Variants in ADAMTS9 observed in about 807,000 individuals in gnomAD.
ADAMTS9 encodes the protein ADAM metallopeptidase with thrombospondin type 1 motif 9.
ADAMTS9 carries 107 observed loss-of-function variants against 257.1 expected under a neutral mutation model. The ratio of observed to expected loss-of-function variants is 0.42; its 90% CI spans 0.36 to 0.49. The LOEUF is 0.49. Ranked by LOEUF, ADAMTS9 falls within the 20% of genes least tolerant of loss-of-function variation. The pLI, the probability that ADAMTS9 is intolerant of heterozygous loss-of-function variation, is 0.03. For synonymous variants in ADAMTS9, 982 were observed against 880.9 expected, an observed-to-expected ratio of 1.11 and a Z score of -2.03; for missense variants, 2,353 against 2,469.1, an observed-to-expected ratio of 0.95 and a Z score of 1.00.
In ADAMTS9 at chr3:64,661,862, G is replaced by A. The variant is rs1165384646; in HGVS notation, c.680-3071C>T. Among the ~76,000 whole-genome samples, 5 of 152,018 alleles carry A rather than the reference G, an allele frequency of 3.3e-5. No homozygotes were observed. The East Asian group carries it at 9.7e-4, about 29-fold the overall frequency. ...ATTACAATTTGATTTATTATAGTAA[G>A]TAAAGTGTTAGACATTTTAGAAGAT... On this transcript the variant is annotated intron_variant, in intron 3 of 39. Coordinates refer to ENST00000498707, the MANE Select transcript of ADAMTS9 (RefSeq NM_182920.2).
chr3:64,630,728 T>G (rs1482581703), intron 16 of ADAMTS9, among the ~76,000 whole-genome samples: 1 of 152,130 alleles, frequency 6.6e-6, no homozygotes, highest in African/African-American at 2.4e-5. Context: ...TGGCACACGT[T>G]TACCTATGTA....
At chr3:64,671,710 A>G (rs1701492891) in intron 3 of ADAMTS9, among the ~76,000 whole-genome samples, 1 of 152,188 alleles carries the variant, frequency 6.6e-6, no homozygotes, top group Admixed American at 6.5e-5. Context: ...CCCACTACTC[A>G]GTCACATGTG....
intron 38 of ADAMTS9, among the ~76,000 whole-genome samples, chr3:64,525,013 C>A (rs17070914): frequency 0.01 from 1,558 of 152,270 alleles, 54 homozygotes; most frequent in East Asian, 0.067. Flanking sequence ...TTCTGAGAAA[C>A]CTTCCTGACC....
chr3:64,603,020 T>C (rs142804645), intron 25 of ADAMTS9, among the ~76,000 whole-genome samples: 50 of 152,286 alleles, frequency 3.3e-4, no homozygotes, highest in Non-Finnish European at 6.6e-4. Flanking sequence ...CATGGATAAG[T>C]GTTTGGAAGC....
intron 3 of ADAMTS9, among the ~76,000 whole-genome samples, chr3:64,661,441 TTAC>T (rs1701220455): frequency 6.6e-6 from 1 of 152,224 alleles, no homozygotes; most frequent in Non-Finnish European, 1.5e-5. Context: ...GTTATCTTAC[TTAC>T]TCCTTTCAAA....
chr3:64,662,003 TAGA>T (rs1325112191), intron 3 of ADAMTS9, among the ~76,000 whole-genome samples: 2 of 151,852 alleles, frequency 1.3e-5, no homozygotes, highest in Non-Finnish European at 2.9e-5. Context: ...TGCCTTAAAG[TAGA>T]AGGTTAGGTT....
chr3:64,577,207 G>C (rs956547486), intron 28 of ADAMTS9, among the ~76,000 whole-genome samples: 3 of 152,080 alleles, frequency 2.0e-5, no homozygotes, highest in Non-Finnish European at 2.9e-5. Context: ...TTCTATCGTG[G>C]CTATATCCAG....
intron 32 of ADAMTS9, among the ~76,000 whole-genome samples, chr3:64,545,101 G>A (rs1358135467): frequency 6.6e-6 from 1 of 152,176 alleles, no homozygotes; most frequent in East Asian, 1.9e-4. Context: ...TAAAAAGTCA[G>A]GGAACAACAG....
At chr3:64,537,435 C>T (rs1575990912) in intron 37 of ADAMTS9, among the ~76,000 whole-genome samples, 1 of 152,130 alleles carries the variant, frequency 6.6e-6, no homozygotes, top group African/African-American at 2.4e-5. Context: ...CTAAAAAAAA[C>T]TGTACTTCAA....
chr3:64,599,655 AG>A (rs1308486210), intron 26 of ADAMTS9, among the ~76,000 whole-genome samples: 6 of 152,344 alleles, frequency 3.9e-5, no homozygotes, highest in Admixed American at 2.0e-4. Context: ...ATAACTCAAG[AG>A]TGGCAAAGGC....
chr3:64,630,316 C>G (rs564293296), intron 16 of ADAMTS9, among the ~76,000 whole-genome samples: 1 of 152,326 alleles, frequency 6.6e-6, no homozygotes, highest in African/African-American at 2.4e-5. Flanking sequence ...GGAATCTCAG[C>G]ACTTTGGGAG....
chr3:64,563,751 T>A (rs2083470777), intron 29 of ADAMTS9, among the ~76,000 whole-genome samples: 1 of 152,242 alleles, frequency 6.6e-6, no homozygotes. Context: ...AAAGCCAGCT[T>A]TGAAATACCA....
chr3:64,562,488 A>G (rs72885590), intron 29 of ADAMTS9, among the ~76,000 whole-genome samples: 9,850 of 152,240 alleles, frequency 0.065, 1,067 homozygotes, highest in African/African-American at 0.22. Flanking sequence ...ACTTTCCTCT[A>G]AATTAATTTT....
intron 16 of ADAMTS9, among the ~76,000 whole-genome samples, chr3:64,626,504 C>T (rs1295620341): frequency 6.6e-6 from 1 of 152,022 alleles, no homozygotes; most frequent in Non-Finnish European, 1.5e-5. Flanking sequence ...TTTAAAAATC[C>T]ACTTTTTTGA....
chr3:64,658,122 G>T (rs1180757869), intron 4 of ADAMTS9, among the ~76,000 whole-genome samples: 1 of 152,154 alleles, frequency 6.6e-6, no homozygotes, highest in Non-Finnish European at 1.5e-5. Context: ...ACAAGCTAAA[G>T]GCCACAGGCA....
At position 64,541,868 on chromosome 3, in the gene ADAMTS9, C is replaced by A; in HGVS notation, c.5167G>T (p.Glu1723Ter). The change falls in exon 33 of 40, where the codon GAA becomes TAA. Residue 1723 changes from glutamate to a stop codon, truncating the protein, a stop_gained. Coordinates refer to ENST00000498707, the MANE Select transcript of ADAMTS9 (RefSeq NM_182920.2). LOFTEE classifies it high-confidence loss of function. Reference sequence around the variant, plus strand: ...TAGACATTACGGCAGGTTTTTCGTTCTTCTGGCTTCAGATCAGTGTGGCAT... The same window carrying A: ...TAGACATTACGGCAGGTTTTTCGTTATTCTGGCTTCAGATCAGTGTGGCAT... ...HLCHTDLKPE[E>*]RKTCRNVYNC... The A allele has an allele frequency of 6.2e-7, 1 of 1,614,148 alleles. No individual in the cohort carries two copies. Among genetic ancestry groups the A allele is most frequent in the Non-Finnish European group, 8.5e-7 (1 of 1,180,002 alleles).
chr3:64,530,943 CAT>C (rs1436287815), intron 38 of ADAMTS9, among the ~76,000 whole-genome samples: 6 of 152,084 alleles, frequency 3.9e-5, no homozygotes, highest in Admixed American at 1.3e-4. Context: ...AGAAAAGAAA[CAT>C]AATGTATAGA....
At chr3:64,522,311 G>T (rs370686756) in intron 38 of ADAMTS9, 51 bp from the exon 39 acceptor site, 5 of 1,531,088 alleles carry the variant, frequency 3.3e-6, no homozygotes, top group East Asian at 2.3e-5. Context: ...ATGCTTTCAG[G>T]GCCTGCACTG....
chr3:64,642,509 G>A (rs1182057744), intron 11 of ADAMTS9, among the ~76,000 whole-genome samples: 2 of 152,152 alleles, frequency 1.3e-5, no homozygotes, highest in Admixed American at 1.3e-4. Context: ...AGGATGAGAC[G>A]AAAGCAAAAC....
Sources: allele counts gnomAD v4.1 joint callset (sites outside exome capture counted in the v4.1 genomes callset), GRCh38; gene constraint gnomAD v4.1.1; transcripts MANE v1.5; gene names NCBI Gene and HGNC (gene_info 2026-07-23, HGNC 2026-07-21).